BABAM2: variants seen among roughly 807,000 people sequenced by gnomAD.
BABAM2 encodes BRISC and BRCA1-A complex member 2.
A neutral mutation model predicts 54.7 loss-of-function variants in BABAM2; 31 were observed. That is an observed-to-expected ratio of 0.57 (90% confidence interval 0.43 to 0.77). The LOEUF (loss-of-function observed/expected upper bound fraction) is 0.77. Among genes scored for constraint, BABAM2 ranks in the 30% least tolerant of loss-of-function variants. The pLI is 0.00. For synonymous variants in BABAM2, 167 were observed against 162.9 expected (o/e 1.03, Z -0.19); for missense variants, 364 against 455.8 (o/e 0.80, Z 1.83).
At chr2:27,943,756 A>T (rs1470826820) in intron 3 of BABAM2, among the ~76,000 whole-genome samples, 1 of 152,178 alleles carries the variant, frequency 6.6e-6, no homozygotes, top group Non-Finnish European at 1.5e-5. Flanking sequence ...AAAAAGATTC[A>T]TTTACTTAAA....
chr2:28,145,371 C>T (rs1234485889), intron 7 of BABAM2, among the ~76,000 whole-genome samples: 2 of 152,138 alleles, frequency 1.3e-5, no homozygotes, highest in Admixed American at 6.5e-5. Flanking sequence ...TGTATATTAC[C>T]TCTCTTTCCT....
chr2:28,328,999 T>A (rs1690715304), intron 11 of BABAM2, among the ~76,000 whole-genome samples: 1 of 152,254 alleles, frequency 6.6e-6, no homozygotes, highest in Non-Finnish European at 1.5e-5. Flanking sequence ...TAAAGCATTG[T>A]AATTCCAGTA....
intron 2 of BABAM2, among the ~76,000 whole-genome samples, chr2:27,924,544 T>C (rs1225538300): frequency 6.6e-6 from 1 of 151,982 alleles, no homozygotes; most frequent in Non-Finnish European, 1.5e-5. Context: ...ACACCACACC[T>C]GGCTAATTTT....
At chr2:28,138,245 A>G (rs1465695518) in intron 7 of BABAM2, among the ~76,000 whole-genome samples, 1 of 152,232 alleles carries the variant, frequency 6.6e-6, no homozygotes, top group Non-Finnish European at 1.5e-5. Flanking sequence ...GATGGAAGAT[A>G]TCAACCCTCA....
At chr2:28,245,760 C>CTA (rs1313638299) in intron 10 of BABAM2, among the ~76,000 whole-genome samples, 2 of 152,198 alleles carry the variant, frequency 1.3e-5, no homozygotes, top group East Asian at 3.8e-4. Context: ...AGAACTTACC[C>CTA]TATGCCTTAA....
At chr2:28,106,710 G>C (rs915854298) in intron 6 of BABAM2, among the ~76,000 whole-genome samples, 1 of 152,048 alleles carries the variant, frequency 6.6e-6, no homozygotes, top group Non-Finnish European at 1.5e-5. Flanking sequence ...TGTCTGTTGG[G>C]GTTTCCACTG....
intron 3 of BABAM2, among the ~76,000 whole-genome samples, chr2:27,967,074 TTTC>T (rs1410305884): frequency 2.0e-5 from 3 of 152,174 alleles, no homozygotes; most frequent in Admixed American, 6.5e-5. Context: ...GAAACATATA[TTTC>T]TTCATTGAAC....
intron 11 of BABAM2, among the ~76,000 whole-genome samples, chr2:28,317,509 G>GGCAAA (rs1469735279): frequency 6.6e-6 from 1 of 152,198 alleles, no homozygotes; most frequent in African/African-American, 2.4e-5. Context: ...GAACACTGAA[G>GGCAAA]GCAAACCTGA....
At chr2:28,336,534 C>T (rs889564884) in intron 11 of BABAM2, among the ~76,000 whole-genome samples, 7 of 152,078 alleles carry the variant, frequency 4.6e-5, no homozygotes, top group South Asian at 2.1e-4. Flanking sequence ...AGGATGATGG[C>T]GCCTGGGAGT....
chr2:28,311,876 A>G (rs937612479), intron 11 of BABAM2, among the ~76,000 whole-genome samples: 2 of 152,206 alleles, frequency 1.3e-5, no homozygotes, highest in Non-Finnish European at 2.9e-5. Context: ...GCCTTTTTGT[A>G]CAGCTCGTAT....
At chr2:28,050,905 T>C (rs902600296) in intron 6 of BABAM2, among the ~76,000 whole-genome samples, 1 of 152,138 alleles carries the variant, frequency 6.6e-6, no homozygotes, top group African/African-American at 2.4e-5. Flanking sequence ...GGGAAGTAGG[T>C]AGTAATCTAG....
At chr2:28,050,499 A>G (rs1050006969) in intron 6 of BABAM2, among the ~76,000 whole-genome samples, 1 of 152,166 alleles carries the variant, frequency 6.6e-6, no homozygotes, top group Non-Finnish European at 1.5e-5. Flanking sequence ...ACTGCAACAG[A>G]GTGGCCAGAA....
intron 11 of BABAM2, among the ~76,000 whole-genome samples, chr2:28,306,186 T>C (rs1688504272): frequency 6.6e-6 from 1 of 152,230 alleles, no homozygotes; most frequent in Non-Finnish European, 1.5e-5. Context: ...CTGAAAAGAA[T>C]GTGTGTCCTG....
chr2:28,216,464 G>T (rs1208079411), intron 7 of BABAM2, among the ~76,000 whole-genome samples: 1 of 152,214 alleles, frequency 6.6e-6, no homozygotes, highest in Non-Finnish European at 1.5e-5. Context: ...TGTAATTGCA[G>T]TATTTAGTTC....
At chr2:28,276,886 C>T (rs1685923485) in intron 10 of BABAM2, among the ~76,000 whole-genome samples, 1 of 152,162 alleles carries the variant, frequency 6.6e-6, no homozygotes, top group Non-Finnish European at 1.5e-5. Context: ...AAACCCTGCA[C>T]AAAACATACA....
chr2:28,020,785 G>T, intron 4 of BABAM2, among the ~76,000 whole-genome samples: 1 of 151,972 alleles, frequency 6.6e-6, no homozygotes. Flanking sequence ...TTATTATCAG[G>T]TATTTAGATT....
chr2:28,000,223 G>T (rs1673484031), intron 4 of BABAM2, among the ~76,000 whole-genome samples: 1 of 151,908 alleles, frequency 6.6e-6, no homozygotes, highest in South Asian at 2.1e-4. Context: ...ATACCATCTA[G>T]GATTCCACAT....
In BABAM2 at chr2:28,241,215, G is replaced by A. The variant is rs542108423; in HGVS notation, c.781-108G>A. On this transcript the variant is annotated intron_variant, in intron 8 of 11. Transcript: ENST00000379624. ...GTTGAATGTAGGTAGTGGGAATACC[G>A]GTGTTCACTTTACTATTCTTTCTGC... The A allele has an allele frequency of 5.4e-4, 547 of 1,020,046 alleles. 1 individual carries two copies. The highest frequency in any genetic ancestry group is 2.3e-3 in the South Asian group (163 of 72,118). 63.2% of individuals were successfully genotyped at this position (1,020,046 alleles called of 1,614,324 possible). A position where few individuals can be genotyped will look rare whatever the true frequency, so the allele number is the denominator to read the frequency against.
intron 5 of BABAM2, among the ~76,000 whole-genome samples, chr2:28,029,392 C>T (rs1676132019): frequency 6.6e-6 from 1 of 152,092 alleles, no homozygotes; most frequent in Non-Finnish European, 1.5e-5. Context: ...AGTCACTTTA[C>T]TATTTTATGT....
Sources: allele counts gnomAD v4.1 joint callset (sites outside exome capture counted in the v4.1 genomes callset), GRCh38; gene constraint gnomAD v4.1.1; transcripts MANE v1.5; gene names NCBI Gene and HGNC (gene_info 2026-07-23, HGNC 2026-07-21).